The following GRIP1 variants were observed in gnomAD, a reference collection of about 807,000 sequenced individuals.
The protein encoded by GRIP1 is glutamate receptor interacting protein 1.
Under a neutral mutation model 129.9 loss-of-function variants are expected in GRIP1, and 45 were observed. The ratio of observed to expected loss-of-function variants is 0.35; its 90% CI spans 0.27 to 0.44. The LOEUF (loss-of-function observed/expected upper bound fraction) is 0.44. GRIP1 is among the 20% of genes least tolerant of loss of function. The pLI, the probability that GRIP1 is intolerant of heterozygous loss-of-function variation, is 1.00. For synonymous variants in GRIP1, 530 were observed against 520.8 expected, an observed-to-expected ratio of 1.02 and a Z score of -0.24; for missense variants, 1,196 against 1,396.8, an observed-to-expected ratio of 0.86 and a Z score of 2.29.
At chr12:66,826,567 G>T (rs1351135208) in intron 1 of GRIP1, among the ~76,000 whole-genome samples, 1 of 151,968 alleles carries the variant, frequency 6.6e-6, no homozygotes, top group Non-Finnish European at 1.5e-5. Context: ...TTATTTTATG[G>T]TAATTGAATC....
chr12:66,859,111 G>A (rs879604682), intron 1 of GRIP1, among the ~76,000 whole-genome samples: 3 of 151,640 alleles, frequency 2.0e-5, no homozygotes, highest in Non-Finnish European at 4.4e-5. Flanking sequence ...GGGAATATGA[G>A]CCATATGAAG....
At chr12:66,734,534 A>G (rs1329803769) in intron 1 of GRIP1, among the ~76,000 whole-genome samples, 3 of 152,206 alleles carry the variant, frequency 2.0e-5, no homozygotes, top group Admixed American at 2.0e-4. Context: ...TCTGAACTGT[A>G]CTTTAAAGAA....
rs71436016 is a variant in GRIP1, at chr12:66,602,848, C to CTTTTTTTTTTT, written c.56-5932_56-5922dup. On this transcript the variant is annotated intron_variant, in intron 1 of 24. Coordinates refer to ENST00000359742, the MANE Select transcript of GRIP1 (RefSeq NM_001366722.1). The stretch of plus-strand genomic sequence containing the variant: ...ATTCCTAAAGGGACCAGATCTTTTG[C>CTTTTTTTTTTT]TTTTTTTTTTTTTTTTTTTTTTTTT... 2.0e-4 allele frequency among the ~76,000 whole-genome samples: 14 copies of CTTTTTTTTTTT among 71,662 alleles called. 3 individuals are homozygous for CTTTTTTTTTTT. The highest frequency in any genetic ancestry group is 6.0e-4 in the South Asian group (1 of 1,656). The allele number at this position is 71,662 out of a possible 152,430, so 47.0% of individuals were successfully genotyped here.
chr12:66,968,939 A>C (rs2042035054), intron 1 of GRIP1, among the ~76,000 whole-genome samples: 1 of 152,146 alleles, frequency 6.6e-6, no homozygotes. Context: ...GGTTTTGCTT[A>C]TGTGAGAAAG....
At chr12:66,739,964 G>A (rs757976542) in intron 1 of GRIP1, among the ~76,000 whole-genome samples, 22 of 152,124 alleles carry the variant, frequency 1.4e-4, no homozygotes, top group Non-Finnish European at 3.1e-4. Flanking sequence ...AGCTGAGTCT[G>A]TCCCCAAGTC....
chr12:66,827,612 G>A (rs1344401060), intron 1 of GRIP1, among the ~76,000 whole-genome samples: 1 of 152,024 alleles, frequency 6.6e-6, no homozygotes, highest in African/African-American at 2.4e-5. Flanking sequence ...CAGGAGACAG[G>A]TGCTATGCAG....
chr12:66,529,054 A>C (rs1198342687), intron 5 of GRIP1, among the ~76,000 whole-genome samples: 11 of 152,214 alleles, frequency 7.2e-5, no homozygotes, highest in Non-Finnish European at 1.5e-4. Flanking sequence ...GCTCAACATC[A>C]CTAATGATCA....
chr12:67,059,247 T>C (rs2043490159), intron 1 of GRIP1, among the ~76,000 whole-genome samples: 1 of 152,200 alleles, frequency 6.6e-6, no homozygotes, highest in Non-Finnish European at 1.5e-5. Flanking sequence ...ATAGGACAAG[T>C]ACCTAGAAAA....
intron 2 of GRIP1, among the ~76,000 whole-genome samples, chr12:66,542,739 T>A (rs2061825752): frequency 6.6e-6 from 1 of 152,226 alleles, no homozygotes; most frequent in Admixed American, 6.5e-5. Flanking sequence ...AGAGTCAATA[T>A]TTACCTTCCA....
At chr12:66,499,192 A>T (rs1309012219) in intron 7 of GRIP1, among the ~76,000 whole-genome samples, 1 of 152,176 alleles carries the variant, frequency 6.6e-6, no homozygotes, top group African/African-American at 2.4e-5. Context: ...GTGTGAACTG[A>T]CCTATCACTG....
At chr12:66,749,025 G>A (rs2037041958) in intron 1 of GRIP1, among the ~76,000 whole-genome samples, 1 of 152,174 alleles carries the variant, frequency 6.6e-6, no homozygotes, top group Admixed American at 6.5e-5. Context: ...AACATTTGTT[G>A]AGTGCATGCA....
chr12:66,940,781 G>T (rs1378925658), intron 1 of GRIP1, among the ~76,000 whole-genome samples: 1 of 152,082 alleles, frequency 6.6e-6, no homozygotes, highest in African/African-American at 2.4e-5. Flanking sequence ...CATGAGTAAT[G>T]GTTCATAAAT....
intron 7 of GRIP1, among the ~76,000 whole-genome samples, chr12:66,481,809 G>A (rs1026140327): frequency 6.6e-6 from 1 of 152,148 alleles, no homozygotes; most frequent in African/African-American, 2.4e-5. Flanking sequence ...GGACATGGAT[G>A]AAGCTGGAAA....
chr12:66,791,930 C>T (rs574024992), intron 1 of GRIP1, among the ~76,000 whole-genome samples: 6 of 152,220 alleles, frequency 3.9e-5, no homozygotes, highest in African/African-American at 1.4e-4. Context: ...TTTGATTTGC[C>T]ATTCCTGAGT....
At chr12:66,704,049 C>T (rs909291827) in intron 1 of GRIP1, among the ~76,000 whole-genome samples, 1 of 151,688 alleles carries the variant, frequency 6.6e-6, no homozygotes, top group Non-Finnish European at 1.5e-5. Context: ...AAAGCAGATC[C>T]CAGAATAAAA....
chr12:66,994,755 G>A (rs1174389865), intron 1 of GRIP1, among the ~76,000 whole-genome samples: 2 of 152,020 alleles, frequency 1.3e-5, no homozygotes, highest in Non-Finnish European at 1.5e-5. Flanking sequence ...ATATTGTTAA[G>A]ATGGTAGTAG....
intron 1 of GRIP1, among the ~76,000 whole-genome samples, chr12:66,908,716 T>C (rs1048123507): frequency 6.6e-6 from 1 of 152,220 alleles, no homozygotes; most frequent in Non-Finnish European, 1.5e-5. Context: ...ATGGAACTTT[T>C]TGCTGGAAGA....
chr12:66,933,235 G>T (rs184818926), intron 1 of GRIP1, among the ~76,000 whole-genome samples: 68 of 152,286 alleles, frequency 4.5e-4, no homozygotes, highest in African/African-American at 1.6e-3. Context: ...CAATATAAAG[G>T]CATGACTAAG....
Position 66,994,980 on chromosome 12 carries a change from G to A in GRIP1, c.58+74070C>T, listed in dbSNP as rs770175070. 6.6e-5 allele frequency among the ~76,000 whole-genome samples: 10 copies of A among 152,148 alleles called. 2 individuals carry two copies. In the South Asian group the frequency reaches 1.7e-3, roughly 25 times the overall value. The stretch of plus-strand genomic sequence containing the variant: ...ACAATAATTAAGACAGTGGAGTGCT[G>A]ACATAAGGATAGATATGTAGATTAA... On this transcript the variant is annotated intron_variant, in intron 1 of 1. Coordinates refer to the GRIP1 transcript ENST00000643019.
Sources: gnomAD v4.1 joint callset for allele counts (sites outside exome capture counted in the v4.1 genomes callset) on GRCh38, gnomAD v4.1.1 for gene constraint, MANE v1.5 for transcripts, NCBI Gene and HGNC (gene_info 2026-07-23, HGNC 2026-07-21) for gene names.